FCHSD2: variants seen among roughly 807,000 people sequenced by gnomAD.
The protein encoded by FCHSD2 is FCH and double SH3 domains 2, also known as F-BAR and double SH3 domains protein 2.
Under a neutral mutation model 108.1 loss-of-function variants are expected in FCHSD2, and 38 were observed. The ratio of observed to expected loss-of-function variants is 0.35; its 90% confidence interval spans 0.27 to 0.46. The LOEUF (loss-of-function observed/expected upper bound fraction) is 0.46. FCHSD2 is among the 20% of genes least tolerant of loss of function. The pLI is 1.00. For missense variants in FCHSD2, 751 were observed against 897.8 expected (o/e 0.84, Z 2.09); for synonymous variants, 279 against 314.7 (o/e 0.89, Z 1.20).
At chr11:73,080,548 G>C (rs1227846079) in intron 3 of FCHSD2, among the ~76,000 whole-genome samples, 1 of 152,098 alleles carries the variant, frequency 6.6e-6, no homozygotes, top group African/African-American at 2.4e-5. Context: ...ATATTGAAAA[G>C]AGTAGGCTGG....
intron 3 of FCHSD2, among the ~76,000 whole-genome samples, chr11:73,044,623 T>C (rs1287068152): frequency 6.6e-6 from 1 of 152,012 alleles, no homozygotes; most frequent in Non-Finnish European, 1.5e-5. Context: ...TCTACAATAA[T>C]AGAATTCAAA....
At chr11:72,937,349 GT>G (rs2135335931) in intron 8 of FCHSD2, among the ~76,000 whole-genome samples, 1 of 152,316 alleles carries the variant, frequency 6.6e-6, no homozygotes, top group South Asian at 2.1e-4. Flanking sequence ...TATTTAAATA[GT>G]CTCTTTTGTG....
intron 2 of FCHSD2, among the ~76,000 whole-genome samples, chr11:73,096,987 A>ATTTTTTTTTTTTTTTGT (rs1860097945): frequency 3.7e-5 from 1 of 27,020 alleles, no homozygotes; most frequent in Non-Finnish European, 5.6e-5. Flanking sequence ...TCATTGATGG[A>ATTTTTTTTTTTTTTTGT]TTTTTTTTTT....
chr11:72,873,262 G>C (rs1276373525), intron 12 of FCHSD2, among the ~76,000 whole-genome samples: 1 of 151,788 alleles, frequency 6.6e-6, no homozygotes, highest in Non-Finnish European at 1.5e-5. Flanking sequence ...CTGGGAGGTG[G>C]AGGCTGCAGT....
intron 3 of FCHSD2, among the ~76,000 whole-genome samples, chr11:73,027,814 C>A (rs1192799875): frequency 2.0e-5 from 3 of 152,264 alleles, no homozygotes; most frequent in Non-Finnish European, 4.4e-5. Flanking sequence ...TGCACCCCAG[C>A]TGCTCCAGCT....
At chr11:72,962,796 CCCT>C (rs1856841509) in intron 8 of FCHSD2, among the ~76,000 whole-genome samples, 1 of 151,778 alleles carries the variant, frequency 6.6e-6, no homozygotes, top group African/African-American at 2.4e-5. Flanking sequence ...TCACAAAGGT[CCCT>C]CCTATTTTTT....
intron 5 of FCHSD2, among the ~76,000 whole-genome samples, chr11:72,989,343 G>A (rs758884587): frequency 2.0e-5 from 3 of 152,172 alleles, no homozygotes. Context: ...AATAACCCGA[G>A]TGCTGCTGAT....
chr11:72,976,928 C>CT (rs572931672), intron 8 of FCHSD2, among the ~76,000 whole-genome samples: 2,022 of 141,738 alleles, frequency 0.014, 39 homozygotes, highest in African/African-American at 0.043. Context: ...AACTATGAAA[C>CT]TTTTTTTTTT....
intron 13 of FCHSD2, among the ~76,000 whole-genome samples, chr11:72,855,424 C>A (rs1255280488): frequency 6.6e-6 from 1 of 151,902 alleles, no homozygotes; most frequent in Non-Finnish European, 1.5e-5. Context: ...TGCAGTGAGC[C>A]AAGATCATGC....
At chr11:72,991,102 GA>G (rs1317197869) in intron 5 of FCHSD2, among the ~76,000 whole-genome samples, 3 of 152,168 alleles carry the variant, frequency 2.0e-5, no homozygotes, top group African/African-American at 4.8e-5. Flanking sequence ...AAATAAACTA[GA>G]AAATCTAGAA....
chr11:73,061,342 C>A (rs1591522928), intron 3 of FCHSD2, among the ~76,000 whole-genome samples: 3 of 152,228 alleles, frequency 2.0e-5, no homozygotes, highest in African/African-American at 7.2e-5. Flanking sequence ...GCCTACCCCA[C>A]CAGAGCCCTG....
At chr11:72,946,762 A>T (rs565382465) in intron 8 of FCHSD2, among the ~76,000 whole-genome samples, 24 of 152,210 alleles carry the variant, frequency 1.6e-4, no homozygotes, top group Non-Finnish European at 3.1e-4. Flanking sequence ...ACTTTTTACA[A>T]CCACCTTTAA....
At chr11:72,998,769 ATATT>A (rs1224865392) in intron 5 of FCHSD2, among the ~76,000 whole-genome samples, 2 of 152,214 alleles carry the variant, frequency 1.3e-5, no homozygotes, top group South Asian at 2.1e-4. Flanking sequence ...CCACAATAAA[ATATT>A]AATTACCTCA....
At chr11:73,055,410 G>T (rs938932367) in intron 3 of FCHSD2, among the ~76,000 whole-genome samples, 2 of 151,730 alleles carry the variant, frequency 1.3e-5, no homozygotes, top group Non-Finnish European at 2.9e-5. Flanking sequence ...ACAAACAAAT[G>T]GCAGAGCTGC....
At chr11:73,069,824 G>T (rs1859390548) in intron 3 of FCHSD2, among the ~76,000 whole-genome samples, 1 of 151,992 alleles carries the variant, frequency 6.6e-6, no homozygotes. Flanking sequence ...GTACCAGCAA[G>T]GCAAATAAAA....
intron 3 of FCHSD2, among the ~76,000 whole-genome samples, chr11:73,075,740 AG>A (rs1859535401): frequency 6.6e-6 from 1 of 151,740 alleles, no homozygotes; most frequent in Non-Finnish European, 1.5e-5. Flanking sequence ...TCTTGAACCC[AG>A]GGGGCAGAGT....
At chr11:72,885,461 G>A (rs1386694641) in intron 12 of FCHSD2, among the ~76,000 whole-genome samples, 1 of 152,144 alleles carries the variant, frequency 6.6e-6, no homozygotes, top group Non-Finnish European at 1.5e-5. Flanking sequence ...ACACAGTCTA[G>A]TTTGGCATAC....
intron 8 of FCHSD2, among the ~76,000 whole-genome samples, chr11:72,957,950 T>TGAGACCAGCCTGGCC: frequency 6.6e-6 from 1 of 152,318 alleles, no homozygotes; most frequent in East Asian, 1.9e-4. Flanking sequence ...TAAATTATTT[T>TGAGACCAGCCTGGCC]AAAAAGTTAA....
intron 3 of FCHSD2, among the ~76,000 whole-genome samples, chr11:73,029,254 T>C (rs991721033): frequency 2.0e-5 from 3 of 152,122 alleles, no homozygotes; most frequent in Admixed American, 6.5e-5. Flanking sequence ...TACAAGACTA[T>C]TGTAGGAGCA....
Sources: gnomAD v4.1 joint callset for allele counts (sites outside exome capture counted in the v4.1 genomes callset) on GRCh38, gnomAD v4.1.1 for gene constraint, MANE v1.5 for transcripts, NCBI Gene and HGNC (gene_info 2026-07-23, HGNC 2026-07-21) for gene names.